CSMD1: variants seen among roughly 807,000 people sequenced by gnomAD.
The protein encoded by CSMD1 is CUB and Sushi multiple domains 1, also known as CUB and sushi domain-containing protein 1.
CSMD1 carries 213 observed loss-of-function variants against 417.5 expected under a neutral mutation model. That is an observed-to-expected ratio of 0.51 (90% CI 0.46 to 0.57). The LOEUF (loss-of-function observed/expected upper bound fraction) is 0.57. Ranked by LOEUF, CSMD1 falls within the 20% of genes least tolerant of loss-of-function variation. The pLI is 0.00. For missense variants in CSMD1, 6,923 were observed against 4,529.7 expected (o/e 1.53, Z -15.17); for synonymous variants, 2,862 against 1,736.8 (o/e 1.65, Z -16.11).
At chr8:4,780,553 G>A (rs1021935284) in intron 1 of CSMD1, among the ~76,000 whole-genome samples, 1 of 151,794 alleles carries the variant, frequency 6.6e-6, no homozygotes, top group Non-Finnish European at 1.5e-5. Flanking sequence ...AGGTCCTATT[G>A]TAATTATTAT....
intron 1 of CSMD1, among the ~76,000 whole-genome samples, chr8:4,877,918 T>C (rs1039446284): frequency 6.6e-6 from 1 of 152,078 alleles, no homozygotes; most frequent in East Asian, 1.9e-4. Context: ...TTCCATCATG[T>C]ACAATGGGAA....
At chr8:3,615,954 A>G (rs1182029994) in intron 8 of CSMD1, among the ~76,000 whole-genome samples, 2 of 152,338 alleles carry the variant, frequency 1.3e-5, no homozygotes, top group East Asian at 3.9e-4. Context: ...CTGTATTCAT[A>G]ATGTAGCAAC....
chr8:4,644,191 G>A (rs1161561095), intron 1 of CSMD1, among the ~76,000 whole-genome samples: 1 of 152,154 alleles, frequency 6.6e-6, no homozygotes. Flanking sequence ...AAGGAAAAGG[G>A]AGGTTTTCAC....
At chr8:3,077,334 G>T (rs1260322043) in intron 49 of CSMD1, among the ~76,000 whole-genome samples, 1 of 152,134 alleles carries the variant, frequency 6.6e-6, no homozygotes, top group Non-Finnish European at 1.5e-5. Flanking sequence ...GACTGCCTGG[G>T]GACTGAGCCC....
intron 2 of CSMD1, among the ~76,000 whole-genome samples, chr8:4,609,137 T>C (rs575734087): frequency 6.6e-6 from 1 of 152,196 alleles, no homozygotes; most frequent in Non-Finnish European, 1.5e-5. Flanking sequence ...CGCTGGCTCA[T>C]GCATGTAATC....
At chr8:4,193,629 G>C (rs1267794886) in intron 3 of CSMD1, among the ~76,000 whole-genome samples, 1 of 152,118 alleles carries the variant, frequency 6.6e-6, no homozygotes, top group South Asian at 2.1e-4. Flanking sequence ...TGAGTGTGCT[G>C]TCAAGGGAGG....
chr8:4,774,725 G>A (rs1279289242), intron 1 of CSMD1, among the ~76,000 whole-genome samples: 1 of 152,126 alleles, frequency 6.6e-6, no homozygotes, highest in Non-Finnish European at 1.5e-5. Context: ...TTGGTGCCAT[G>A]CCTTTGTTGC....
chr8:3,982,025 G>A (rs181123492), intron 5 of CSMD1, among the ~76,000 whole-genome samples: 1 of 151,952 alleles, frequency 6.6e-6, no homozygotes, highest in East Asian at 1.9e-4. Flanking sequence ...CAAAAAATTA[G>A]CCTGGCGCGG....
chr8:3,987,838 C>G (rs770522875), intron 5 of CSMD1, among the ~76,000 whole-genome samples: 3 of 152,158 alleles, frequency 2.0e-5, no homozygotes, highest in African/African-American at 4.8e-5. Flanking sequence ...TGTTAATTGA[C>G]AGCCTGCCAA....
chr8:3,524,829 C>A (rs1171682385), intron 10 of CSMD1, among the ~76,000 whole-genome samples: 2 of 151,142 alleles, frequency 1.3e-5, no homozygotes, highest in Admixed American at 1.3e-4. Context: ...CACATGCACA[C>A]ACAGAGCCTT....
chr8:3,570,995 G>C (rs931292245), intron 10 of CSMD1, among the ~76,000 whole-genome samples: 5 of 152,162 alleles, frequency 3.3e-5, no homozygotes, highest in African/African-American at 1.2e-4. Context: ...AAATATTTAT[G>C]ATTATTGATG....
chr8:4,904,872 T>G (rs899696205), intron 1 of CSMD1, among the ~76,000 whole-genome samples: 1 of 152,222 alleles, frequency 6.6e-6, no homozygotes, highest in Non-Finnish European at 1.5e-5. Flanking sequence ...CTTTCGGGAC[T>G]GTATTCATTT....
At chr8:4,529,271 C>G (rs907226412) in intron 2 of CSMD1, among the ~76,000 whole-genome samples, 1 of 151,988 alleles carries the variant, frequency 6.6e-6, no homozygotes, top group African/African-American at 2.4e-5. Flanking sequence ...ATGTGGTTTT[C>G]CAAAAGGTAC....
chr8:4,675,381 C>T (rs966408160), intron 1 of CSMD1, among the ~76,000 whole-genome samples: 1 of 152,050 alleles, frequency 6.6e-6, no homozygotes, highest in African/African-American at 2.4e-5. Context: ...CAGGGCAAAA[C>T]CTTAAGTTTA....
At chr8:4,958,413 G>A (rs942760869) in intron 1 of CSMD1, among the ~76,000 whole-genome samples, 1 of 152,054 alleles carries the variant, frequency 6.6e-6, no homozygotes, top group African/African-American at 2.4e-5. Flanking sequence ...TCTTCAAAAT[G>A]TAAGTCTATA....
chr8:3,990,247 A>G (rs986277346), intron 5 of CSMD1, among the ~76,000 whole-genome samples: 1 of 152,230 alleles, frequency 6.6e-6, no homozygotes, highest in African/African-American at 2.4e-5. Flanking sequence ...TTTAATCCAT[A>G]AAAGACTTCT....
intron 5 of CSMD1, among the ~76,000 whole-genome samples, chr8:3,945,555 AC>A (rs1314243258): frequency 6.6e-6 from 1 of 152,136 alleles, no homozygotes; most frequent in Non-Finnish European, 1.5e-5. Context: ...CTTTTGAGAG[AC>A]AAGTTTAAAA....
At chr8:3,524,041 C>G (rs948995975) in intron 10 of CSMD1, among the ~76,000 whole-genome samples, 2 of 124,496 alleles carry the variant, frequency 1.6e-5, no homozygotes, top group African/African-American at 3.1e-5. Flanking sequence ...ACATGCACAC[C>G]CAGAGACACG....
At chr8:3,853,341 C>A (rs1804045837) in intron 5 of CSMD1, among the ~76,000 whole-genome samples, 1 of 152,150 alleles carries the variant, frequency 6.6e-6, no homozygotes, top group Non-Finnish European at 1.5e-5. Flanking sequence ...TCATAACATG[C>A]TCCACAATTT....
Sources: allele counts gnomAD v4.1 joint callset (sites outside exome capture counted in the v4.1 genomes callset), GRCh38; gene constraint gnomAD v4.1.1; transcripts MANE v1.5; gene names NCBI Gene and HGNC (gene_info 2026-07-23, HGNC 2026-07-21).